NRG1: variants seen among roughly 807,000 people sequenced by gnomAD.
NRG1 encodes the protein neuregulin 1.
Under a neutral mutation model 63.8 loss-of-function variants are expected in NRG1, and 18 were observed. The observed-to-expected ratio is 0.28, with a 90% CI of 0.19 to 0.42. NRG1 has a LOEUF of 0.42. Ranked by LOEUF, NRG1 falls within the 10% of genes least tolerant of loss-of-function variation. The pLI is 1.00. For synonymous variants in NRG1, 302 were observed against 301.3 expected (o/e 1.00, Z -0.02); for missense variants, 762 against 814.7 (o/e 0.94, Z 0.79).
At chr8:32,272,707 C>A (rs1397623315) in intron 1 of NRG1, among the ~76,000 whole-genome samples, 3 of 152,158 alleles carry the variant, frequency 2.0e-5, no homozygotes, top group Non-Finnish European at 2.9e-5. Flanking sequence ...ACCTATAACT[C>A]ACCCAGCCTC....
At chr8:32,745,987 G>A (rs971871693) in intron 7 of NRG1, among the ~76,000 whole-genome samples, 5 of 152,138 alleles carry the variant, frequency 3.3e-5, no homozygotes, top group Admixed American at 3.3e-4. Flanking sequence ...CATTTGCATG[G>A]ATTTCTAAAT....
At chr8:31,956,751 C>A (rs1025980445) in intron 1 of NRG1, among the ~76,000 whole-genome samples, 15 of 152,170 alleles carry the variant, frequency 9.9e-5, no homozygotes, top group Non-Finnish European at 1.9e-4. Context: ...GGATTTGAAC[C>A]CAAATCTCTA....
rs182332369 is a variant in NRG1 at position 31,768,614 on chromosome 8, A to G, written c.37+129183A>G. On this transcript the variant is annotated intron_variant, in intron 1 of 10. Coordinates refer to the NRG1 transcript ENST00000519301. ...GTTTACACCTTGAAAAATCAGATCC[A>G]ACACATACTAACCATAGTTTCTCAT... 2.0e-4 allele frequency among the ~76,000 whole-genome samples: 31 copies of G among 152,314 alleles called. No homozygotes were observed. The East Asian group carries it at 4.4e-3, about 22-fold the overall frequency.
intron 1 of NRG1, among the ~76,000 whole-genome samples, chr8:32,237,491 T>G (rs867559085): frequency 1.3e-4 from 19 of 151,394 alleles, no homozygotes; most frequent in Admixed American, 4.6e-4. Context: ...CATTTGAGGG[T>G]TTTTTTTTCC....
At chr8:31,738,408 A>C (rs1207220043) in intron 1 of NRG1, among the ~76,000 whole-genome samples, 1 of 152,126 alleles carries the variant, frequency 6.6e-6, no homozygotes, top group Non-Finnish European at 1.5e-5. Flanking sequence ...TGCTGTACTG[A>C]TATTCATGAT....
At chr8:32,143,537 T>C (rs545817634) in intron 1 of NRG1, among the ~76,000 whole-genome samples, 96 of 152,294 alleles carry the variant, frequency 6.3e-4, no homozygotes, top group African/African-American at 2.2e-3. Context: ...CAGTGCCCCA[T>C]TGAGTTGAAA....
At chr8:31,669,590 G>A (rs4262287) in intron 1 of NRG1, among the ~76,000 whole-genome samples, 30,284 of 151,958 alleles carry the variant, frequency 0.2, 4,049 homozygotes, top group East Asian at 0.59. Context: ...TGTGTACATT[G>A]AACCATCAGA....
downstream of NRG1, among the ~76,000 whole-genome samples, chr8:32,772,540 AAACTT>A (rs1831885712): frequency 1.3e-5 from 2 of 152,180 alleles, no homozygotes; most frequent in South Asian, 4.1e-4. Context: ...TTATAGATGT[AAACTT>A]TGCACCTTTC....
In NRG1 at chr8:32,408,059, G is replaced by A. The variant is rs74684044; in HGVS notation, c.38-187769G>A. On this transcript the variant is annotated intron_variant, in intron 1 of 10. Coordinates refer to the NRG1 transcript ENST00000519301. ...TTTATTGTCAGTGAGTGCTCCCTGG[G>A]CTCTGAAGCCCAGAGATGTTCCTCC... 7.5e-3 allele frequency among the ~76,000 whole-genome samples: 1,142 copies of A among 152,242 alleles called. 11 individuals are homozygous for A. The highest frequency in any genetic ancestry group is 0.026 in the African/African-American group (1,094 of 41,528).
intron 1 of NRG1, among the ~76,000 whole-genome samples, chr8:32,285,961 A>G (rs1481988687): frequency 2.0e-5 from 3 of 152,188 alleles, no homozygotes; most frequent in Admixed American, 6.5e-5. Flanking sequence ...GGGTGTTTAC[A>G]AGGTAGCTAT....
intron 1 of NRG1, among the ~76,000 whole-genome samples, chr8:32,138,926 C>T (rs1482654877): frequency 6.6e-6 from 1 of 152,074 alleles, no homozygotes; most frequent in Non-Finnish European, 1.5e-5. Flanking sequence ...TTTTTGATTT[C>T]CTCCCTTAAA....
intron 1 of NRG1, among the ~76,000 whole-genome samples, chr8:32,263,375 A>G (rs1211117339): frequency 1.3e-5 from 2 of 152,188 alleles, no homozygotes; most frequent in African/African-American, 4.8e-5. Context: ...TTCTTGGGAC[A>G]TGCATGTGTG....
chr8:31,669,432 T>C (rs1180133813), intron 1 of NRG1, among the ~76,000 whole-genome samples: 1 of 151,964 alleles, frequency 6.6e-6, no homozygotes, highest in African/African-American at 2.4e-5. Flanking sequence ...AGAGATGGGG[T>C]TTTGCCATGT....
At chr8:32,624,858 C>G (rs1848933503) in intron 5 of NRG1, among the ~76,000 whole-genome samples, 2 of 152,074 alleles carry the variant, frequency 1.3e-5, no homozygotes, top group South Asian at 4.2e-4. Context: ...TAAAAAAAAT[C>G]CATGATTGAG....
intron 5 of NRG1, among the ~76,000 whole-genome samples, chr8:32,697,699 C>T (rs186261955): frequency 1.3e-5 from 2 of 152,198 alleles, no homozygotes; most frequent in Admixed American, 1.3e-4. Flanking sequence ...AAATTAGAGA[C>T]CAATAAAAAG....
At chr8:31,867,076 C>T (rs1305548039) in intron 1 of NRG1, among the ~76,000 whole-genome samples, 1 of 152,150 alleles carries the variant, frequency 6.6e-6, no homozygotes, top group Non-Finnish European at 1.5e-5. Flanking sequence ...TGTGAATGGA[C>T]CTAGCCTTTT....
intron 1 of NRG1, among the ~76,000 whole-genome samples, chr8:31,718,408 C>T (rs1473175898): frequency 6.6e-6 from 1 of 152,124 alleles, no homozygotes; most frequent in African/African-American, 2.4e-5. Flanking sequence ...ACTCAGTCAC[C>T]CAGAGCAGTC....
intron 1 of NRG1, among the ~76,000 whole-genome samples, chr8:31,671,721 A>G (rs962761852): frequency 2.6e-5 from 4 of 152,124 alleles, no homozygotes; most frequent in Non-Finnish European, 4.4e-5. Context: ...CAAAGGGAAC[A>G]TTTTCGTGGG....
intron 1 of NRG1, among the ~76,000 whole-genome samples, chr8:32,145,730 A>G (rs1836799947): frequency 6.6e-6 from 1 of 152,238 alleles, no homozygotes. Flanking sequence ...CCATCATGAG[A>G]GCCTGCCTCT....
Sources: allele counts gnomAD v4.1 joint callset (sites outside exome capture counted in the v4.1 genomes callset), GRCh38; gene constraint gnomAD v4.1.1; transcripts MANE v1.5; gene names NCBI Gene and HGNC (gene_info 2026-07-23, HGNC 2026-07-21).